ANO1: variants seen among roughly 807,000 people sequenced by gnomAD.
The protein encoded by ANO1 is anoctamin 1, also known as anoctamin-1.
A neutral mutation model predicts 124.0 loss-of-function variants in ANO1; 59 were observed. That is an observed-to-expected ratio of 0.48 (90% CI 0.39 to 0.59). The LOEUF (loss-of-function observed/expected upper bound fraction) is 0.59, where lower values mean the gene tolerates loss of function less well. Ranked by LOEUF, ANO1 falls within the 20% of genes least tolerant of loss-of-function variation. ANO1 has a pLI of 0.00. For missense variants in ANO1, 1,059 were observed against 1,328.0 expected (o/e 0.80, Z 3.15); for synonymous variants, 529 against 532.0 (o/e 0.99, Z 0.08).
chr11:70,035,084 C>A (rs1857071590), intron 1 of ANO1, among the ~76,000 whole-genome samples: 2 of 152,092 alleles, frequency 1.3e-5, no homozygotes, highest in Admixed American at 6.5e-5. Context: ...GGTACCACAG[C>A]CCCTCTTGGC....
At chr11:70,070,697 T>C (rs1273098490) in intron 1 of ANO1, among the ~76,000 whole-genome samples, 2 of 152,084 alleles carry the variant, frequency 1.3e-5, no homozygotes, top group East Asian at 3.9e-4. Context: ...TGTGAGTGCA[T>C]GGTGAGTGGG....
chr11:70,111,570 C>T (rs903495788), intron 6 of ANO1, 137 bp from the exon 7 acceptor site: 10 of 770,220 alleles, frequency 1.3e-5, no homozygotes, highest in South Asian at 3.2e-5. Flanking sequence ...CAGAGGTGGC[C>T]GGGCTCTGCG....
chr11:70,042,247 G>A lies in ANO1; in HGVS notation c.59-36295G>A, dbSNP rs565229548. Among the ~76,000 whole-genome samples the A allele has an allele frequency of 1.6e-3, 245 of 152,258 alleles. 1 individual carries two copies. Among genetic ancestry groups the A allele is most frequent in the African/African-American group, 5.7e-3 (237 of 41,554 alleles). On this transcript the variant is annotated intron_variant, in intron 1 of 27. Transcript: ENST00000531349. Reference sequence around the variant, plus strand: ...TTGAAATGTGGGACAGCAGCCCTGAGGCAGCTCAGGGCTGATTCCTGAGAA... The same window carrying A: ...TTGAAATGTGGGACAGCAGCCCTGAAGCAGCTCAGGGCTGATTCCTGAGAA...
upstream of ANO1, among the ~76,000 whole-genome samples, chr11:70,076,846 G>T (rs898974517): frequency 5.9e-5 from 9 of 152,222 alleles, no homozygotes; most frequent in African/African-American, 2.2e-4. Context: ...TCTCACTGAG[G>T]CACCAGGAAA....
At chr11:70,115,448 A>C (rs1240207688) in intron 7 of ANO1, among the ~76,000 whole-genome samples, 2 of 152,130 alleles carry the variant, frequency 1.3e-5, no homozygotes, top group Non-Finnish European at 2.9e-5. Context: ...CCCTGTCTCT[A>C]CTAAAAATAC....
At chr11:70,113,173 G>A (rs935929293) in intron 7 of ANO1, among the ~76,000 whole-genome samples, 3 of 144,416 alleles carry the variant, frequency 2.1e-5, no homozygotes, top group Non-Finnish European at 4.6e-5. Context: ...CCTGCCTGTT[G>A]CCTTCCTCCC....
chr11:70,152,112 G>A (rs553596038), intron 12 of ANO1, among the ~76,000 whole-genome samples: 5 of 152,168 alleles, frequency 3.3e-5, no homozygotes, highest in South Asian at 2.1e-4. Flanking sequence ...CGAGGAGGGC[G>A]GATCACGAGG....
chr11:70,041,713 C>T (rs565244549), intron 1 of ANO1, among the ~76,000 whole-genome samples: 5 of 151,840 alleles, frequency 3.3e-5, no homozygotes, highest in Admixed American at 1.3e-4. Flanking sequence ...AGGAGGTTCT[C>T]GGTGAAAATA....
the ANO1 span, among the ~76,000 whole-genome samples, chr11:69,976,206 G>A: frequency 6.6e-6 from 1 of 152,130 alleles, no homozygotes; most frequent in Non-Finnish European, 1.5e-5. Flanking sequence ...CTGTTAGGTG[G>A]GTTCTAATTC....
At chr11:70,060,164 T>A (rs1857541515) in intron 1 of ANO1, among the ~76,000 whole-genome samples, 1 of 151,916 alleles carries the variant, frequency 6.6e-6, no homozygotes, top group Non-Finnish European at 1.5e-5. Context: ...GGCAAAATGG[T>A]TATGGAGGAA....
At chr11:70,005,169 G>A in intron 1 of ANO1, among the ~76,000 whole-genome samples, 1 of 150,736 alleles carries the variant, frequency 6.6e-6, no homozygotes, top group South Asian at 2.1e-4. Context: ...CATTACAAAT[G>A]TCACCACTGG....
intron 1 of ANO1, among the ~76,000 whole-genome samples, chr11:70,052,680 G>A (rs113021910): frequency 6.6e-6 from 1 of 151,184 alleles, no homozygotes; most frequent in Non-Finnish European, 1.5e-5. Flanking sequence ...AGCTTCCCAA[G>A]TAGCTGGGAT....
intron 24 of ANO1, among the ~76,000 whole-genome samples, chr11:70,184,676 A>G (rs990084430): frequency 3.3e-5 from 5 of 152,218 alleles, no homozygotes; most frequent in African/African-American, 1.2e-4. Flanking sequence ...TCTTTCGCAA[A>G]TGTTTGATAA....
the ANO1 span, among the ~76,000 whole-genome samples, chr11:69,978,393 C>G: frequency 6.6e-6 from 1 of 152,200 alleles, no homozygotes; most frequent in Non-Finnish European, 1.5e-5. Flanking sequence ...CCCGGTAGTG[C>G]AGGCTGGAGT....
chr11:70,128,449 T>A (rs775254271), intron 10 of ANO1, among the ~76,000 whole-genome samples: 1 of 152,226 alleles, frequency 6.6e-6, no homozygotes, highest in Non-Finnish European at 1.5e-5. Flanking sequence ...CTTCCTTCCT[T>A]CCTTCCCTTG....
chr11:70,048,985 G>A (rs1400602609), intron 1 of ANO1, among the ~76,000 whole-genome samples: 1 of 152,062 alleles, frequency 6.6e-6, no homozygotes, highest in African/African-American at 2.4e-5. Context: ...CTGGGCATAC[G>A]CTTCCCGGAC....
chr11:70,023,946 A>G (rs1273501388), intron 1 of ANO1, among the ~76,000 whole-genome samples: 1 of 152,252 alleles, frequency 6.6e-6, no homozygotes, highest in Non-Finnish European at 1.5e-5. Context: ...GCAACCTACC[A>G]ATACTATCCA....
intron 1 of ANO1, among the ~76,000 whole-genome samples, chr11:70,026,781 C>T (rs750182774): frequency 5.3e-5 from 8 of 152,158 alleles, no homozygotes; most frequent in Non-Finnish European, 8.8e-5. Flanking sequence ...ACCTCCCCAG[C>T]TCTCGACTCT....
chr11:70,078,788 C>A, intron 1 of ANO1, 74 bp downstream of exon 1: 2 of 1,018,692 alleles, frequency 2.0e-6, no homozygotes, highest in Non-Finnish European at 2.5e-6. Flanking sequence ...AACCGGGCGG[C>A]GGCAGGGCCT....
Sources: gnomAD v4.1 joint callset for allele counts (sites outside exome capture counted in the v4.1 genomes callset) on GRCh38, gnomAD v4.1.1 for gene constraint, MANE v1.5 for transcripts, NCBI Gene and HGNC (gene_info 2026-07-23, HGNC 2026-07-21) for gene names.